TMOD3: variants seen among roughly 807,000 people sequenced by gnomAD.
The protein encoded by TMOD3 is tropomodulin-3.
In TMOD3, 20 loss-of-function variants were observed where a neutral mutation model predicts 39.2. The observed-to-expected ratio is 0.51, with a 90% confidence interval of 0.36 to 0.74. The LOEUF (loss-of-function observed/expected upper bound fraction) is 0.74. TMOD3 is among the 30% of genes least tolerant of loss of function. The pLI is 0.00. For missense variants in TMOD3, 381 were observed against 412.8 expected, an observed-to-expected ratio of 0.92 and a Z score of 0.67; for synonymous variants, 143 against 145.8, an observed-to-expected ratio of 0.98 and a Z score of 0.14.
intron 1 of TMOD3, among the ~76,000 whole-genome samples, chr15:51,851,108 G>A (rs905191539): frequency 1.3e-5 from 2 of 152,154 alleles, no homozygotes; most frequent in African/African-American, 4.8e-5. Flanking sequence ...GAGTTATGGA[G>A]GGGCACACTT....
chr15:51,876,781 A>G (rs1023034533), intron 3 of TMOD3, among the ~76,000 whole-genome samples: 1 of 152,086 alleles, frequency 6.6e-6, no homozygotes, highest in Non-Finnish European at 1.5e-5. Flanking sequence ...TTTTAAAAAA[A>G]AAAATCTTCC....
At chr15:51,868,958 G>A (rs2056460991) in intron 2 of TMOD3, among the ~76,000 whole-genome samples, 1 of 152,158 alleles carries the variant, frequency 6.6e-6, no homozygotes, top group Non-Finnish European at 1.5e-5. Flanking sequence ...GGGGATAGAA[G>A]GAGACTGTCT....
At position 51,915,647 on chromosome 15, in the gene TMOD3, A is replaced by G. The variant is rs1305782075; in HGVS notation, c.*6837A>G. On this transcript the variant is annotated 3_prime_UTR_variant, in exon 10 of 10. Transcript: ENST00000308580. ...CACAGTGAAGTTTCTTTTGAAGACT[A>G]TGTACTGGAAGCATTTAGAACTTAC... 2 of 152,244 alleles carry G rather than the reference A, an allele frequency of 1.3e-5. No individual in the cohort carries two copies. Among genetic ancestry groups the G allele is most frequent in the Non-Finnish European group, 2.9e-5 (2 of 68,048 alleles). 9.4% of individuals were successfully genotyped at this position (152,244 alleles called of 1,614,324 possible).
intron 1 of TMOD3, among the ~76,000 whole-genome samples, chr15:51,839,600 G>A (rs148686243): frequency 9.2e-5 from 14 of 151,936 alleles, no homozygotes; most frequent in South Asian, 2.1e-4. Flanking sequence ...CCAGGCTGGC[G>A]TGCAGGTGTG....
At chr15:51,862,388 T>C (rs2056423719) in intron 1 of TMOD3, among the ~76,000 whole-genome samples, 1 of 152,204 alleles carries the variant, frequency 6.6e-6, no homozygotes, top group South Asian at 2.1e-4. Context: ...CCCCCCATAT[T>C]AATACTGAGT....
At chr15:51,880,020 C>T (rs897270396) in intron 3 of TMOD3, among the ~76,000 whole-genome samples, 1 of 152,080 alleles carries the variant, frequency 6.6e-6, no homozygotes, top group Non-Finnish European at 1.5e-5. Flanking sequence ...TTATCAACAT[C>T]TCATAGTCAC....
At chr15:51,887,263 A>T (rs2593166) in intron 3 of TMOD3, among the ~76,000 whole-genome samples, 1,655 of 144,122 alleles carry the variant, frequency 0.011, 29 homozygotes, top group African/African-American at 0.04. Context: ...TTTTTTTTTT[A>T]ATCTCTTTAA....
chr15:51,836,942 A>G (rs919526960), intron 1 of TMOD3, among the ~76,000 whole-genome samples: 8 of 152,118 alleles, frequency 5.3e-5, no homozygotes, highest in Non-Finnish European at 1.0e-4. Context: ...ACAAATAAAC[A>G]GTTTCATATC....
At chr15:51,871,790 T>C (rs2056476230) in intron 3 of TMOD3, among the ~76,000 whole-genome samples, 1 of 152,128 alleles carries the variant, frequency 6.6e-6, no homozygotes, top group Admixed American at 6.5e-5. Context: ...TGTCCTCCTA[T>C]GTATCTTTTA....
At chr15:51,834,651 C>G (rs1051804489) in intron 1 of TMOD3, among the ~76,000 whole-genome samples, 1 of 152,096 alleles carries the variant, frequency 6.6e-6, no homozygotes. Context: ...GGCAACATGA[C>G]AAAACCACAT....
rs1347389053 is a variant in TMOD3, at chr15:51,912,606, A to G, written c.*3796A>G. The G allele has an allele frequency of 1.3e-5, 2 of 152,138 alleles. No individual in the cohort carries two copies. Among genetic ancestry groups the G allele is most frequent in the Non-Finnish European group, 2.9e-5 (2 of 68,022 alleles). The allele number at this position is 152,138 out of a possible 1,614,324, so 9.4% of individuals were successfully genotyped here. A position where few individuals can be genotyped will look rare whatever the true frequency, so the allele number is the denominator to read the frequency against. On this transcript the variant is annotated 3_prime_UTR_variant, in exon 10 of 10. Transcript: ENST00000308580. The stretch of plus-strand genomic sequence containing the variant: ...CTTTTTCCCTAAAAAACTAGGAACC[A>G]CTGTTAACCTCCCAGCAGATGCAAG...
At chr15:51,903,349 A>G (rs1485827564) in intron 9 of TMOD3, among the ~76,000 whole-genome samples, 1 of 152,250 alleles carries the variant, frequency 6.6e-6, no homozygotes, top group Non-Finnish European at 1.5e-5. Context: ...CCATTGAAGT[A>G]TTTTTAAAGA....
At chr15:51,863,096 T>C in intron 2 of TMOD3, 86 bp downstream of exon 2, 1 of 1,401,050 alleles carries the variant, frequency 7.1e-7, no homozygotes. Flanking sequence ...TCCATGACTT[T>C]TCTCTGGCAC....
intron 5 of TMOD3, among the ~76,000 whole-genome samples, chr15:51,889,472 A>G (rs1345754006): frequency 6.6e-6 from 1 of 152,176 alleles, no homozygotes; most frequent in African/African-American, 2.4e-5. Context: ...TTACAAAGAA[A>G]TTACATTATA....
chr15:51,840,131 G>A (rs1425638475), intron 1 of TMOD3, among the ~76,000 whole-genome samples: 1 of 152,298 alleles, frequency 6.6e-6, no homozygotes, highest in Non-Finnish European at 1.5e-5. Flanking sequence ...TCAGAGACAT[G>A]GAGACTGATT....
chr15:51,851,996 C>T (rs959835195), intron 1 of TMOD3, among the ~76,000 whole-genome samples: 12 of 152,182 alleles, frequency 7.9e-5, no homozygotes, highest in African/African-American at 2.9e-4. Flanking sequence ...ATCCTCCCCA[C>T]CTCCTTTGCT....
intron 9 of TMOD3, 49 bp downstream of exon 9, chr15:51,902,085 T>C (rs946013493): frequency 5.7e-6 from 9 of 1,590,920 alleles, no homozygotes; most frequent in Non-Finnish European, 7.7e-6. Flanking sequence ...CAAGCTAACG[T>C]ATTGGGGGAA....
intron 2 of TMOD3, among the ~76,000 whole-genome samples, chr15:51,864,310 G>A (rs1164699507): frequency 6.7e-6 from 1 of 149,318 alleles, no homozygotes; most frequent in Admixed American, 6.7e-5. Flanking sequence ...ACTTTATCTA[G>A]TCCCTAGGCC....
chr15:51,886,299 G>C (rs949605604), intron 3 of TMOD3, among the ~76,000 whole-genome samples: 1 of 152,218 alleles, frequency 6.6e-6, no homozygotes, highest in South Asian at 2.1e-4. Context: ...TGGGCACTTT[G>C]GGAGGCCAAG....
Sources: gnomAD v4.1 joint callset for allele counts (sites outside exome capture counted in the v4.1 genomes callset) on GRCh38, gnomAD v4.1.1 for gene constraint, MANE v1.5 for transcripts, NCBI Gene and HGNC (gene_info 2026-07-23, HGNC 2026-07-21) for gene names.